Variants in OXSM observed in about 807,000 individuals in gnomAD.
The protein encoded by OXSM is 3-oxoacyl-ACP synthase, mitochondrial, also known as 3-oxoacyl-[acyl-carrier-protein] synthase, mitochondrial.
A neutral mutation model predicts 29.2 loss-of-function variants in OXSM; 19 were observed. The observed-to-expected ratio is 0.65, with a 90% CI of 0.45 to 0.96. The LOEUF is 0.96. Ranked by LOEUF, OXSM falls within the 40% of genes least tolerant of loss-of-function variation. The pLI, the probability that OXSM is intolerant of heterozygous loss-of-function variation, is 0.00. For missense variants in OXSM, 554 were observed against 551.3 expected (o/e 1.00, Z -0.05); for synonymous variants, 178 against 197.1 (o/e 0.90, Z 0.81).
chr3:25,790,333 CT>C, intron 1 of OXSM, 186 bp downstream of exon 1: 1 of 193,288 alleles, frequency 5.2e-6, no homozygotes, highest in Non-Finnish European at 1.1e-5. Context: ...TGGCTACACT[CT>C]TTTACTCCCG....
In OXSM at chr3:25,791,874, T is replaced by C; in HGVS notation, c.854T>C (p.Leu285Pro). Residue 285 changes from leucine to proline, a missense_variant, in exon 2 of 3, where the codon CTG (leucine) becomes CCG (proline). Coordinates refer to ENST00000280701, the MANE Select transcript of OXSM (RefSeq NM_017897.3). Reference sequence around the variant, plus strand: ...GGAGAAGGTGCAGCTGTGCTGGTGCTGGAAGAATATGAACATGCTGTTCAA... The same window carrying C: ...GGAGAAGGTGCAGCTGTGCTGGTGCCGGAAGAATATGAACATGCTGTTCAA... ...VMGEGAAVLV[L>P]EEYEHAVQRR... 6.2e-7 allele frequency: 1 copy of C among 1,612,160 alleles called. No homozygotes were observed. The highest frequency in any genetic ancestry group is 8.5e-7 in the Non-Finnish European group (1 of 1,180,016).
At chr3:25,790,733 T>A in intron 1 of OXSM, 1 of 318,826 alleles carries the variant, frequency 3.1e-6, no homozygotes, top group Non-Finnish European at 5.8e-6. Flanking sequence ...TTTCATTGAA[T>A]TACTGTTTTG....
rs61737038 is a variant in OXSM at position 25,794,491 on chromosome 3, G to A, written c.1377G>A (p.Leu459=). 6.9e-4 allele frequency: 1,084 copies of A among 1,576,382 alleles called. 6 individuals are homozygous for A. The African/African-American group carries it at 0.013, about 18-fold the overall frequency. The change falls in exon 3 of 3, where the codon CTG becomes CTA. Residue 459 remains leucine, a synonymous_variant. Transcript: ENST00000280701. ...GTNATLCIAG[L] is the part of the protein sequence containing the mutation. ...ATGCAACACTTTGTATTGCTGGACT[G>A]TAGAACATATAATTTGTAATTAAAT...
rs374431265 is a variant in OXSM at position 25,792,095 on chromosome 3, A to G, written c.977+98A>G. ...GTTGTAGTGTCTGGCCTTGGTGTACAGTATCTCTGTTGTTTTTCTTTTTTA... is the reference window on the plus strand; with the variant it reads ...GTTGTAGTGTCTGGCCTTGGTGTACGGTATCTCTGTTGTTTTTCTTTTTTA... On this transcript the variant is annotated intron_variant, in intron 2 of 2. Transcript: ENST00000280701. 5.6e-5 allele frequency: 56 copies of G among 993,870 alleles called. No individual in the cohort carries two copies. In the African/African-American group the frequency reaches 6.3e-4, roughly 11 times the overall value. The allele number at this position is 993,870 out of a possible 1,614,324, so 61.6% of individuals were successfully genotyped here. A position where few individuals can be genotyped will look rare whatever the true frequency, so the allele number is the denominator to read the frequency against.
At position 25,793,313 on chromosome 3, in the gene OXSM, G is replaced by C. The variant is rs78723243; in HGVS notation, c.978-779G>C. Among the ~76,000 whole-genome samples the C allele has an allele frequency of 5.3e-4, 81 of 151,982 alleles. No homozygotes were observed. The East Asian group carries it at 0.011, about 21-fold the overall frequency. On this transcript the variant is annotated intron_variant, in intron 2 of 2. Coordinates refer to ENST00000280701, the MANE Select transcript of OXSM (RefSeq NM_017897.3). ...CTGGCCTACTTTTGAATTTTAGTGA[G>C]TAGTTGCTGGTGGTAAAAATGTCAA...
intron 2 of OXSM, 94 bp downstream of exon 2, chr3:25,792,091 G>A (rs1708771565): frequency 3.9e-6 from 4 of 1,027,512 alleles, no homozygotes; most frequent in Non-Finnish European, 5.7e-6. Flanking sequence ...TGGCCTTGGT[G>A]TACAGTATCT....
chr3:25,790,188 C>G, intron 1 of OXSM, 41 bp downstream of exon 1: 1 of 466,280 alleles, frequency 2.1e-6, no homozygotes, highest in Non-Finnish European at 3.8e-6. Flanking sequence ...TCCTTTCCTC[C>G]TTTACATTCA....
chr3:25,792,630 C>T (rs1411119631), intron 2 of OXSM, among the ~76,000 whole-genome samples: 1 of 152,096 alleles, frequency 6.6e-6, no homozygotes, highest in African/African-American at 2.4e-5. Flanking sequence ...GAATGCGCCA[C>T]TGAGACCAGT....
chr3:25,792,629 A>G (rs1354599773), intron 2 of OXSM, among the ~76,000 whole-genome samples: 2 of 152,058 alleles, frequency 1.3e-5, no homozygotes, highest in Non-Finnish European at 2.9e-5. Flanking sequence ...GGAATGCGCC[A>G]CTGAGACCAG....
Position 25,791,057 on chromosome 3 carries a change from A to G in OXSM, c.37A>G (p.Ser13Gly), listed in dbSNP as rs760592650. 1.2e-6 allele frequency: 2 copies of G among 1,612,486 alleles called. No homozygotes were observed. The highest frequency in any genetic ancestry group is 1.7e-6 in the Non-Finnish European group (2 of 1,178,816). The change falls in exon 2 of 3, where the codon AGC becomes GGC. Residue 13 changes from serine to glycine, a missense_variant. Ser to Gly is a moderately conservative substitution (Grantham distance 56). Coordinates refer to ENST00000280701, the MANE Select transcript of OXSM (RefSeq NM_017897.3). Reference sequence around the variant, plus strand: ...CCTGCAAAATTTCCTGAAAATTACAAGCACTCGTCTTCTATGTTCAAGATT... The same window carrying G: ...CCTGCAAAATTTCCTGAAAATTACAGGCACTCGTCTTCTATGTTCAAGATT... ...NCLQNFLKIT[S>G]TRLLCSRLCQ...
Position 25,794,425 on chromosome 3 carries a change from A to G in OXSM, c.1311A>G (p.Arg437=). The G allele has an allele frequency of 6.2e-7, 1 of 1,614,016 alleles. No homozygotes were observed. The highest frequency in any genetic ancestry group is 8.5e-7 in the Non-Finnish European group (1 of 1,179,832). Residue 437 remains arginine (R), a synonymous_variant, in exon 3 of 3, where the codon AGA becomes AGG. Coordinates refer to ENST00000280701, the MANE Select transcript of OXSM (RefSeq NM_017897.3). The stretch of plus-strand genomic sequence containing the variant: ...CACAGGAATGGAAAACTGAGAAAAG[A>G]TTTATTGGCCTCACCAATTCCTTTG... ...LKAQEWKTEK[R]FIGLTNSFGF... is the part of the protein sequence containing the mutation.
chr3:25,790,159 T>C lies in OXSM; in HGVS notation c.-32+12T>C, dbSNP rs567678101. 1.0e-5 allele frequency: 5 copies of C among 500,450 alleles called. No individual in the cohort carries two copies. Among genetic ancestry groups the C allele is most frequent in the South Asian group, 9.1e-5 (3 of 33,032 alleles). 31.0% of individuals were successfully genotyped at this position (500,450 alleles called of 1,614,324 possible). On this transcript the variant is annotated intron_variant, in intron 1 of 2. Coordinates refer to ENST00000280701, the MANE Select transcript of OXSM (RefSeq NM_017897.3). ...TAGCCCCGTTACAGGTATCGCTGGC[T>C]ACCCTCCTCCTTCGCCCCTCCTTTC...
intron 2 of OXSM, among the ~76,000 whole-genome samples, chr3:25,792,418 C>T (rs1708780916): frequency 6.6e-6 from 1 of 152,204 alleles, no homozygotes; most frequent in Non-Finnish European, 1.5e-5. Flanking sequence ...ACTTCTCAAA[C>T]TATAATCACC....
In OXSM at chr3:25,794,371, AT is replaced by A. The variant is rs1559570000; in HGVS notation, c.1260del (p.Phe420LeufsTer8). The A allele has an allele frequency of 6.2e-7, 1 of 1,614,224 alleles. No individual in the cohort carries two copies. The highest frequency in any genetic ancestry group is 8.5e-7 in the Non-Finnish European group (1 of 1,180,024). On this transcript the variant is annotated frameshift_variant, in exon 3 of 3. Transcript: ENST00000280701. LOFTEE classifies it high-confidence loss of function. The stretch of plus-strand genomic sequence containing the variant: ...TAAACCTGGATTGTTCGGAACCAGA[AT>A]TTGATCTCAACTATGTTCCACTAAA... ...TLNLDCSEPE[F>X]DLNYVPLKAQ...
In OXSM at chr3:25,791,643, C is replaced by T. The variant is rs777478186; in HGVS notation, c.623C>T (p.Ala208Val). The change falls in exon 2 of 3, where the codon GCC (alanine) becomes GTC (valine). Residue 208 changes from alanine (A) to valine (V), a missense_variant. By Grantham distance (64) the Ala-to-Val change is moderately conservative. Coordinates refer to ENST00000280701, the MANE Select transcript of OXSM (RefSeq NM_017897.3). ...GGCCCAAATCATGCAGTATCCACAGCCTGTACCACAGGAGCTCATGCTGTG... is the reference window on the plus strand; with the variant it reads ...GGCCCAAATCATGCAGTATCCACAGTCTGTACCACAGGAGCTCATGCTGTG... ...LKGPNHAVST[A>V]CTTGAHAVGD... is the part of the protein sequence containing the mutation. The T allele has an allele frequency of 6.2e-7, 1 of 1,614,150 alleles. No individual in the cohort carries two copies. Among genetic ancestry groups the T allele is most frequent in the Non-Finnish European group, 8.5e-7 (1 of 1,180,002 alleles).
chr3:25,790,750 C>T, intron 1 of OXSM: 1 of 360,350 alleles, frequency 2.8e-6, no homozygotes, highest in Admixed American at 4.3e-5. Context: ...TTTGGTGACT[C>T]GAATGAATCA....
Position 25,791,889 on chromosome 3 carries a change from A to G in OXSM, c.869A>G (p.His290Arg). 2 of 1,610,024 alleles carry G rather than the reference A, an allele frequency of 1.2e-6. No individual in the cohort carries two copies. Among genetic ancestry groups the G allele is most frequent in the Non-Finnish European group, 8.5e-7 (1 of 1,179,980 alleles). Residue 290 changes from histidine to arginine, a missense_variant, in exon 2 of 3, where the codon CAT becomes CGT. By Grantham distance (29) the His-to-Arg change is conservative. Coordinates refer to ENST00000280701, the MANE Select transcript of OXSM (RefSeq NM_017897.3). The stretch of plus-strand genomic sequence containing the variant: ...GTGCTGGTGCTGGAAGAATATGAAC[A>G]TGCTGTTCAAAGAAGAGCCCGGATC... The part of the protein sequence containing the change: ...AAVLVLEEYE[H>R]AVQRRARIYA...
chr3:25,791,727 C>CAG lies in OXSM; in HGVS notation c.709_710dup (p.Asp237GlufsTer19). 1 of 1,614,134 alleles carries CAG rather than the reference C, an allele frequency of 6.2e-7. No individual in the cohort carries two copies. The highest frequency in any genetic ancestry group is 8.5e-7 in the Non-Finnish European group (1 of 1,180,030). On this transcript the variant is annotated frameshift_variant, in exon 2 of 3. Transcript: ENST00000280701. LOFTEE classifies it high-confidence loss of function. Reference sequence around the variant, plus strand: ...GCTGATGTGATGGTGGCTGGAGGTACAGATTCTTGTATTAGCCCTTTATCT... The same window carrying CAG: ...GCTGATGTGATGGTGGCTGGAGGTACAGAGATTCTTGTATTAGCCCTTTATCT...
Position 25,791,946 on chromosome 3 carries a change from G to GTGA in OXSM, c.929_931dup (p.Asp310dup). 1 of 1,600,634 alleles carries GTGA rather than the reference G, an allele frequency of 6.2e-7. No homozygotes were observed. The highest frequency in any genetic ancestry group is 8.5e-7 in the Non-Finnish European group (1 of 1,179,842). ...GAAGTTTTGGGCTATGGACTCTCAG[G>GTGA]TGATGCTGGTCACATAACTGCCCCT... On this transcript the variant is annotated inframe_insertion, in exon 2 of 3. Transcript: ENST00000280701.
Sources: allele counts gnomAD v4.1 joint callset (sites outside exome capture counted in the v4.1 genomes callset), GRCh38; gene constraint gnomAD v4.1.1; transcripts MANE v1.5; gene names NCBI Gene and HGNC (gene_info 2026-07-23, HGNC 2026-07-21).